ERICH1: variants seen among roughly 807,000 people sequenced by gnomAD.
The protein encoded by ERICH1 is glutamate rich 1.
In ERICH1, 56 loss-of-function variants were observed where a neutral mutation model predicts 39.6. The ratio of observed to expected loss-of-function variants is 1.41; its 90% CI spans 1.14 to 1.77. The LOEUF (loss-of-function observed/expected upper bound fraction) is 1.77. ERICH1 is among the 40% of genes most tolerant of loss of function. The probability of loss-of-function intolerance (pLI) is 0.00; values close to 1 mark genes in which losing one functional copy is unlikely to be tolerated. For synonymous variants in ERICH1, 313 were observed against 223.6 expected, an observed-to-expected ratio of 1.40 and a Z score of -3.57; for missense variants, 826 against 575.4, an observed-to-expected ratio of 1.44 and a Z score of -4.45.
intron 1 of ERICH1, among the ~76,000 whole-genome samples, chr8:719,060 G>C (rs1273587871): frequency 6.6e-6 from 1 of 152,078 alleles, no homozygotes; most frequent in East Asian, 1.9e-4. Context: ...ACCTAGGCAG[G>C]TCCCAGACTC....
At chr8:688,503 G>A (rs1703908) in intron 3 of ERICH1, among the ~76,000 whole-genome samples, 1 of 151,476 alleles carries the variant, frequency 6.6e-6, no homozygotes, top group Non-Finnish European at 1.5e-5. Context: ...CAACGCCACG[G>A]CCCTCCTGGC....
At position 674,125 on chromosome 8, in the gene ERICH1, A is replaced by C. The variant is rs376774030; in HGVS notation, c.305-78T>G. On this transcript the variant is annotated intron_variant, in intron 3 of 5. Transcript: ENST00000262109. ...ACATATTAGGCTAAATAAATTTTCC[A>C]TCAGGATCTTGTAGTTTTAGTAGAA... 14 of 1,445,920 alleles carry C rather than the reference A, an allele frequency of 9.7e-6. No individual in the cohort carries two copies. In the South Asian group the frequency reaches 1.9e-4, roughly 20 times the overall value. 89.6% of individuals were successfully genotyped at this position (1,445,920 alleles called of 1,614,324 possible). A position where few individuals can be genotyped will look rare whatever the true frequency, so the allele number is the denominator to read the frequency against.
chr8:716,528 C>G (rs1402800445), intron 1 of ERICH1, among the ~76,000 whole-genome samples: 1 of 152,228 alleles, frequency 6.6e-6, no homozygotes, highest in Admixed American at 6.5e-5. Context: ...CTGAACGTGT[C>G]AACAACTGCG....
intron 3 of ERICH1, among the ~76,000 whole-genome samples, chr8:658,789 T>G (rs1280373307): frequency 6.6e-6 from 1 of 152,212 alleles, no homozygotes; most frequent in Non-Finnish European, 1.5e-5. Context: ...GATCGGGGAC[T>G]CCACCTGCAG....
At chr8:701,505 C>G (rs147031815) in intron 2 of ERICH1, among the ~76,000 whole-genome samples, 4 of 152,194 alleles carry the variant, frequency 2.6e-5, no homozygotes, top group African/African-American at 9.6e-5. Context: ...GAGCCACAGA[C>G]GCAGGCCCAG....
At chr8:678,386 G>A (rs922106275) in intron 3 of ERICH1, among the ~76,000 whole-genome samples, 4 of 150,974 alleles carry the variant, frequency 2.6e-5, no homozygotes, top group Non-Finnish European at 4.4e-5. Flanking sequence ...CAGTTAATCC[G>A]TTAGAAACAG....
intron 3 of ERICH1, among the ~76,000 whole-genome samples, chr8:634,183 A>AAAAAACAAACAAAAAACAAAC (rs1554481909): frequency 2.9e-5 from 4 of 135,846 alleles, no homozygotes; most frequent in Admixed American, 7.5e-5. Context: ...AAAAAAAAAA[A>AAAAAACAAACAAAAAACAAAC]AAACAAACAA....
At chr8:615,081 C>A (rs149111414) in exon 4 of ERICH1, 2 of 590,696 alleles carry the variant, frequency 3.4e-6, no homozygotes, top group African/African-American at 3.7e-5. Context: ...CACTGAAGAT[C>A]TCAGCTCTCG....
chr8:643,417 C>G (rs994563863), intron 3 of ERICH1, among the ~76,000 whole-genome samples: 6 of 152,100 alleles, frequency 3.9e-5, no homozygotes, highest in Admixed American at 3.9e-4. Context: ...CTCCATGGCC[C>G]GGCTCTCATG....
At position 679,248 on chromosome 8, in the gene ERICH1, C is replaced by T. The variant is rs536974401; in HGVS notation, c.305-5201G>A. On this transcript the variant is annotated intron_variant, in intron 3 of 5. Coordinates refer to ENST00000262109, the MANE Select transcript of ERICH1 (RefSeq NM_207332.3). ...AGCTCCCAACTCACAGCTTCAGCTC[C>T]GACCCCTCACAGCTTTGATCCCTCA... Among the ~76,000 whole-genome samples the T allele has an allele frequency of 1.8e-3, 258 of 147,228 alleles. 1 individual carries two copies. Among genetic ancestry groups the T allele is most frequent in the African/African-American group, 6.0e-3 (237 of 39,800 alleles).
rs551578234 is a variant in ERICH1 at position 639,065 on chromosome 8, C to T, written c.977-23781G>A. ...CTCAAGCAGGCCTCACTGAAGACCACGGTCCATGCTGCTGAGGTCATGAAT... is the reference window on the plus strand; with the variant it reads ...CTCAAGCAGGCCTCACTGAAGACCATGGTCCATGCTGCTGAGGTCATGAAT... On this transcript the variant is annotated intron_variant, in intron 3 of 3. Coordinates refer to the ERICH1 transcript ENST00000522706. Among the ~76,000 whole-genome samples the T allele has an allele frequency of 1.2e-4, 18 of 152,322 alleles. 1 individual carries two copies. Among genetic ancestry groups the T allele is most frequent in the South Asian group, 8.3e-4 (4 of 4,832 alleles).
At chr8:654,731 C>T (rs1387129807) in intron 3 of ERICH1, among the ~76,000 whole-genome samples, 1 of 152,118 alleles carries the variant, frequency 6.6e-6, no homozygotes, top group African/African-American at 2.4e-5. Context: ...ATGGAGATGT[C>T]CCCACAAGGA....
At chr8:619,304 G>A (rs374257680) in intron 3 of ERICH1, among the ~76,000 whole-genome samples, 1 of 152,098 alleles carries the variant, frequency 6.6e-6, no homozygotes, top group South Asian at 2.1e-4. Flanking sequence ...GCACGAGGGG[G>A]GCCCGGTGAG....
At chr8:728,314 G>A (rs1212649995) in intron 1 of ERICH1, among the ~76,000 whole-genome samples, 4 of 152,210 alleles carry the variant, frequency 2.6e-5, no homozygotes, top group South Asian at 2.1e-4. Context: ...TCACCAACAC[G>A]AGATGTCCTG....
chr8:638,089 G>A (rs563187317), intron 3 of ERICH1, among the ~76,000 whole-genome samples: 10 of 152,356 alleles, frequency 6.6e-5, no homozygotes, highest in African/African-American at 2.4e-4. Context: ...TCGGTGACCT[G>A]GGGCAGCAGT....
At chr8:634,260 T>C (rs981182347) in intron 3 of ERICH1, among the ~76,000 whole-genome samples, 2 of 151,226 alleles carry the variant, frequency 1.3e-5, no homozygotes, top group East Asian at 3.9e-4. Flanking sequence ...GACACACAAG[T>C]AGCTGATAAA....
At chr8:730,668 C>T (rs1241717507) in intron 1 of ERICH1, among the ~76,000 whole-genome samples, 1 of 152,110 alleles carries the variant, frequency 6.6e-6, no homozygotes, top group Non-Finnish European at 1.5e-5. Flanking sequence ...CTTAGGTCCA[C>T]TGAAGGTAAA....
chr8:681,516 G>A (rs528707658), intron 3 of ERICH1, among the ~76,000 whole-genome samples: 3 of 152,320 alleles, frequency 2.0e-5, no homozygotes, highest in South Asian at 4.1e-4. Context: ...GAATGCAAGA[G>A]TAATCAGAAC....
chr8:672,115 T>C (rs1170091796), intron 4 of ERICH1: 1 of 152,798 alleles, frequency 6.5e-6, no homozygotes. Context: ...CTATGAGCTG[T>C]TTTCCTGAGT....
Sources: gnomAD v4.1 joint callset for allele counts (sites outside exome capture counted in the v4.1 genomes callset) on GRCh38, gnomAD v4.1.1 for gene constraint, MANE v1.5 for transcripts, NCBI Gene and HGNC (gene_info 2026-07-23, HGNC 2026-07-21) for gene names.